The following DAPK2 variants were observed in gnomAD, a reference collection of about 807,000 sequenced individuals.
DAPK2 encodes death-associated protein kinase 2.
In DAPK2, 35 loss-of-function variants were observed where a neutral mutation model predicts 44.1. That is an observed-to-expected ratio of 0.79 (90% confidence interval 0.61 to 1.05). The LOEUF (loss-of-function observed/expected upper bound fraction) is 1.05. Among genes scored for constraint, DAPK2 ranks in the 50% least tolerant of loss-of-function variants. DAPK2 has a pLI of 0.00. For missense variants in DAPK2, 453 were observed against 483.2 expected (o/e 0.94, Z 0.59); for synonymous variants, 174 against 182.6 (o/e 0.95, Z 0.38).
chr15:63,979,241 C>T (rs533174314), intron 2 of DAPK2, among the ~76,000 whole-genome samples: 5 of 152,328 alleles, frequency 3.3e-5, no homozygotes, highest in Admixed American at 3.3e-4. Context: ...ATACCCCATA[C>T]AGAAGTCAAC....
chr15:63,977,039 T>C (rs1258822311), intron 2 of DAPK2, among the ~76,000 whole-genome samples: 1 of 152,046 alleles, frequency 6.6e-6, no homozygotes, highest in Non-Finnish European at 1.5e-5. Flanking sequence ...TAATCCAGAC[T>C]GTGAAACAGG....
At chr15:63,922,207 T>A (rs749439134) in intron 8 of DAPK2, 32 of 839,778 alleles carry the variant, frequency 3.8e-5, no homozygotes, top group Non-Finnish European at 4.4e-5. Flanking sequence ...CCAAGTGAGG[T>A]CATTTGTCAG....
rs552501482 is a variant in DAPK2, at chr15:63,937,558, T to A, written c.583+1674A>T. 1.4e-4 allele frequency among the ~76,000 whole-genome samples: 22 copies of A among 152,174 alleles called. 1 individual carries two copies. In the South Asian group the frequency reaches 4.6e-3, roughly 32 times the overall value. ...TATCAGTGAACCTGGGAGGTGTTCC[T>A]CCCCTCCTCTGGCTCCCTCCCCACC... On this transcript the variant is annotated intron_variant, in intron 4 of 10. Coordinates refer to ENST00000261891, the Ensembl canonical transcript of DAPK2.
rs536065658 is a variant in DAPK2 at position 63,966,325 on chromosome 15, C to G, written c.453+5098G>C. Among the ~76,000 whole-genome samples the G allele has an allele frequency of 6.6e-6, 1 of 152,224 alleles. No individual in the cohort carries two copies. The highest frequency in any genetic ancestry group is 2.4e-5 in the African/African-American group (1 of 41,450). On this transcript the variant is annotated intron_variant, in intron 3 of 10. Coordinates refer to ENST00000261891, the Ensembl canonical transcript of DAPK2. The surrounding 1 kb of genome is among the most constrained non-coding windows in gnomAD (Gnocchi z 5.5). ...AAATTGCAAGATGAAGTCCTCTTCA[C>G]TTTTCCCTCTTTTCTCCTCAAGTGG... is the stretch of plus-strand genomic sequence containing the variant.
intron 2 of DAPK2, among the ~76,000 whole-genome samples, chr15:63,982,682 C>A (rs1287157265): frequency 6.6e-6 from 1 of 152,174 alleles, no homozygotes; most frequent in Non-Finnish European, 1.5e-5. Context: ...CTCTGCTAAG[C>A]CAGCATAAGG....
In DAPK2 at chr15:63,989,129, G is replaced by A. The variant is rs1039156389; in HGVS notation, c.93-5375C>T. On this transcript the variant is annotated intron_variant, in intron 1 of 10. Coordinates refer to ENST00000261891, the Ensembl canonical transcript of DAPK2. ...CAGGAGGCAGAGGTACCAGTGAGCCGAGATCATGCCACTGCACTGCTGCAC... is the reference window on the plus strand; with the variant it reads ...CAGGAGGCAGAGGTACCAGTGAGCCAAGATCATGCCACTGCACTGCTGCAC... Among the ~76,000 whole-genome samples, 18 of 146,678 alleles carry A rather than the reference G, an allele frequency of 1.2e-4. 1 individual carries two copies. The highest frequency in any genetic ancestry group is 1.9e-4 in the Non-Finnish European group (13 of 67,570).
intron 1 of DAPK2, among the ~76,000 whole-genome samples, chr15:64,006,569 T>TCC (rs1368682899): frequency 6.6e-6 from 1 of 151,880 alleles, no homozygotes; most frequent in Non-Finnish European, 1.5e-5. Context: ...ACGTCAGAGA[T>TCC]CCCCCAGTAT....
chr15:63,958,215 G>A (rs1368949320), intron 3 of DAPK2, among the ~76,000 whole-genome samples: 1 of 149,128 alleles, frequency 6.7e-6, no homozygotes, highest in Admixed American at 6.7e-5. Flanking sequence ...TTTTTTTCTT[G>A]TAAATTTGTT....
At chr15:63,913,327 A>C (rs1278458337) in intron 8 of DAPK2, among the ~76,000 whole-genome samples, 1 of 152,254 alleles carries the variant, frequency 6.6e-6, no homozygotes, top group Non-Finnish European at 1.5e-5. Flanking sequence ...TGAACTGTAC[A>C]TTTTAAAATG....
chr15:63,909,688 G>T (rs917763645), intron 10 of DAPK2: 1 of 152,138 alleles, frequency 6.6e-6, no homozygotes, highest in Non-Finnish European at 1.5e-5. Flanking sequence ...TGTAATCCCA[G>T]CTAGTCAGGA....
At chr15:63,958,335 T>C (rs1416851044) in intron 3 of DAPK2, among the ~76,000 whole-genome samples, 1 of 152,234 alleles carries the variant, frequency 6.6e-6, no homozygotes. Context: ...TTTCTTTTGC[T>C]GTGCAGAAGC....
rs1353855076 is a variant in DAPK2 at position 63,980,041 on chromosome 15, T to A, written c.314+3492A>T. On this transcript the variant is annotated intron_variant, in intron 2 of 10. Transcript: ENST00000261891. This position sits in a 1 kb window ranked among gnomAD's most constrained non-coding sequence, Gnocchi z 4.3. ...AACGCTTGGGTCTTCTCCAATCTCATAAATTCTTAGCAGTCCATAGACAGG... is the reference window on the plus strand; with the variant it reads ...AACGCTTGGGTCTTCTCCAATCTCAAAAATTCTTAGCAGTCCATAGACAGG... Among the ~76,000 whole-genome samples the A allele has an allele frequency of 2.6e-5, 4 of 152,106 alleles. No homozygotes were observed. Among genetic ancestry groups the A allele is most frequent in the African/African-American group, 9.7e-5 (4 of 41,428 alleles).
At chr15:64,039,423 G>T (rs577164916) in intron 1 of DAPK2, among the ~76,000 whole-genome samples, 2 of 152,192 alleles carry the variant, frequency 1.3e-5, no homozygotes, top group African/African-American at 4.8e-5. Context: ...TTGCCCAAAC[G>T]CTGGACCACA....
chr15:63,950,993 AT>A (rs897071262), intron 3 of DAPK2, among the ~76,000 whole-genome samples: 30 of 152,206 alleles, frequency 2.0e-4, no homozygotes, highest in Admixed American at 1.3e-4. Context: ...AGGAATTTGG[AT>A]TTTTTGGAAT....
At chr15:63,937,226 C>T (rs921371604) in intron 4 of DAPK2, among the ~76,000 whole-genome samples, 4 of 152,108 alleles carry the variant, frequency 2.6e-5, no homozygotes, top group Non-Finnish European at 4.4e-5. Context: ...TAAAACAAAA[C>T]CAGTGCAAAC....
chr15:63,993,693 G>T (rs2078875814), intron 1 of DAPK2, among the ~76,000 whole-genome samples: 2 of 152,092 alleles, frequency 1.3e-5, no homozygotes, highest in African/African-American at 4.8e-5. Flanking sequence ...GCAAAGTACA[G>T]GGTTAGGGGT....
At chr15:63,977,878 A>T (rs1040755383) in intron 2 of DAPK2, among the ~76,000 whole-genome samples, 2 of 152,138 alleles carry the variant, frequency 1.3e-5, no homozygotes, top group African/African-American at 4.8e-5. Context: ...TGTCCCTCTC[A>T]CCACAACCCT....
At chr15:63,975,998 C>A (rs112596488) in intron 2 of DAPK2, among the ~76,000 whole-genome samples, 7 of 152,192 alleles carry the variant, frequency 4.6e-5, no homozygotes, top group Non-Finnish European at 1.0e-4. Flanking sequence ...TTCTTTTCTC[C>A]TTTCTTTAAA....
chr15:63,922,848 TCTCCAGCTGGAAGCTGCC>T (rs932558049), intron 8 of DAPK2: 39 of 1,535,696 alleles, frequency 2.5e-5, no homozygotes, highest in Non-Finnish European at 3.0e-5. Context: ...GAGCTCCCAC[TCTCCAGCTGGAAGCTGCC>T]CACCAGCTCC....
Sources: gnomAD v4.1 joint callset for allele counts (sites outside exome capture counted in the v4.1 genomes callset) on GRCh38, gnomAD v4.1.1 for gene constraint, Gnocchi (gnomAD v3.1) non-coding constraint, MANE v1.5 for transcripts, NCBI Gene and HGNC (gene_info 2026-07-23, HGNC 2026-07-21) for gene names.